The following VIL1 variants were observed in gnomAD, a reference collection of about 807,000 sequenced individuals.
VIL1 encodes villin-1.
A neutral mutation model predicts 104.0 loss-of-function variants in VIL1; 86 were observed. The ratio of observed to expected loss-of-function variants is 0.83; its 90% CI spans 0.69 to 0.99. The LOEUF is 0.99. Ranked by LOEUF, VIL1 falls within the 50% of genes least tolerant of loss-of-function variation. The pLI, the probability that VIL1 is intolerant of heterozygous loss-of-function variation, is 0.00. For synonymous variants in VIL1, 394 were observed against 412.6 expected, an observed-to-expected ratio of 0.95 and a Z score of 0.55; for missense variants, 944 against 1,054.1, an observed-to-expected ratio of 0.90 and a Z score of 1.45.
chr2:218,429,664 C>G lies in VIL1; in HGVS notation c.838C>G (p.Leu280Val). ...VATRPLTQDL[L>V]SHEDCYILDQ... is the part of the protein sequence containing the mutation. The stretch of plus-strand genomic sequence containing the variant: ...CACACGGCCACTGACACAGGACCTG[C>G]TCAGTCACGAGGTAAGAGGGTCTGG... The change falls in exon 8 of 20, where the codon CTC becomes GTC. Residue 280 changes from leucine to valine, a missense_variant. Leu to Val is a conservative substitution (Grantham distance 32). Transcript: ENST00000248444. 1 of 1,614,066 alleles carries G rather than the reference C, an allele frequency of 6.2e-7. No individual in the cohort carries two copies. Among genetic ancestry groups the G allele is most frequent in the Non-Finnish European group, 8.5e-7 (1 of 1,180,018 alleles).
At chr2:218,444,423 G>C (rs1689332656) in intron 19 of VIL1, among the ~76,000 whole-genome samples, 1 of 152,066 alleles carries the variant, frequency 6.6e-6, no homozygotes, top group African/African-American at 2.4e-5. Flanking sequence ...GGGACTACAG[G>C]CGCCCGCCAT....
chr2:218,431,783 C>G, intron 10 of VIL1, 74 bp from the exon 11 acceptor site: 1 of 1,235,722 alleles, frequency 8.1e-7, no homozygotes, highest in East Asian at 2.5e-5. Flanking sequence ...ATTGTAGCCA[C>G]CATTCAGGGC....
intron 10 of VIL1, chr2:218,431,235 C>T: frequency 7.2e-6 from 3 of 417,754 alleles, no homozygotes; most frequent in East Asian, 7.9e-5. Context: ...CCTGTAACCC[C>T]AGCTACTCAG....
chr2:218,420,068 A>C (rs959163203), intron 1 of VIL1, among the ~76,000 whole-genome samples: 5 of 152,120 alleles, frequency 3.3e-5, no homozygotes, highest in African/African-American at 1.2e-4. Context: ...ACGACTGGGA[A>C]CTAGGAGCCG....
rs914925576 is a variant in VIL1, at chr2:218,450,603, A to G, written c.*1267A>G. ...GGGAGGGAAAGAAAAGCTCAAAGGG[A>G]GGGAAACCTGGGGACAAGAGGTGTG... On this transcript the variant is annotated 3_prime_UTR_variant, in exon 20 of 20. Transcript: ENST00000248444. The G allele has an allele frequency of 1.3e-5, 2 of 152,630 alleles. No individual in the cohort carries two copies. The highest frequency in any genetic ancestry group is 4.8e-5 in the African/African-American group (2 of 41,456). 9.5% of individuals were successfully genotyped at this position (152,630 alleles called of 1,614,324 possible).
At chr2:218,444,380 C>T (rs1037450492) in intron 19 of VIL1, among the ~76,000 whole-genome samples, 2 of 151,368 alleles carry the variant, frequency 1.3e-5, no homozygotes, top group Admixed American at 1.3e-4. Flanking sequence ...CCTGGGTTCA[C>T]GCCATTCTCC....
At position 218,450,796 on chromosome 2, in the gene VIL1, C is replaced by T. The variant is rs865899671; in HGVS notation, c.*1460C>T. 6.6e-6 allele frequency: 1 copy of T among 152,216 alleles called. No individual in the cohort carries two copies. The highest frequency in any genetic ancestry group is 2.4e-5 in the African/African-American group (1 of 41,440). The allele number at this position is 152,216 out of a possible 1,614,324, so 9.4% of individuals were successfully genotyped here. On this transcript the variant is annotated 3_prime_UTR_variant, in exon 20 of 20. Coordinates refer to ENST00000248444, the MANE Select transcript of VIL1 (RefSeq NM_007127.3). ...CCAATGGACATACCTATACTTTGAA[C>T]CTCTGTACTTTTAAGAAAAGTCCAA...
chr2:218,447,674 G>A (rs1689388834), intron 19 of VIL1, among the ~76,000 whole-genome samples: 1 of 152,078 alleles, frequency 6.6e-6, no homozygotes, highest in Non-Finnish European at 1.5e-5. Flanking sequence ...GGGCTCATCT[G>A]CTTACTTTGT....
rs529286211 is a variant in VIL1 at position 218,432,670 on chromosome 2, TG to T, written c.1342-119del. 1.4e-3 allele frequency: 1,831 copies of T among 1,288,296 alleles called. 1 individual carries two copies. Among genetic ancestry groups the T allele is most frequent in the Non-Finnish European group, 1.7e-3 (1,559 of 924,906 alleles). 79.8% of individuals were successfully genotyped at this position (1,288,296 alleles called of 1,614,324 possible). A position where few individuals can be genotyped will look rare whatever the true frequency, so the allele number is the denominator to read the frequency against. On this transcript the variant is annotated intron_variant, in intron 12 of 19. Coordinates refer to ENST00000248444, the MANE Select transcript of VIL1 (RefSeq NM_007127.3). ...TTGGCTGTTTCACAGTGGAGTTTGG[TG>T]GGGAAGACAATTGGGTTTAGGACCA...
intron 19 of VIL1, among the ~76,000 whole-genome samples, chr2:218,442,129 C>A (rs1409056239): frequency 6.6e-6 from 1 of 152,138 alleles, no homozygotes; most frequent in Non-Finnish European, 1.5e-5. Flanking sequence ...TAGAACAAGT[C>A]ATGGTGGAGG....
At position 218,429,564 on chromosome 2, in the gene VIL1, C is replaced by T. The variant is rs185335578; in HGVS notation, c.771-33C>T. On this transcript the variant is annotated intron_variant, in intron 7 of 19. Transcript: ENST00000248444. ...TGCCCTGGCTGAGGGACTTGGGCCCCCTCCCCATCTATGCCTTGCTTCTGT... is the reference window on the plus strand; with the variant it reads ...TGCCCTGGCTGAGGGACTTGGGCCCTCTCCCCATCTATGCCTTGCTTCTGT... 2,515 of 1,614,042 alleles carry T rather than the reference C, an allele frequency of 1.6e-3. 6 individuals carry two copies. Among genetic ancestry groups the T allele is most frequent in the Non-Finnish European group, 1.9e-3 (2,217 of 1,179,998 alleles).
At position 218,430,731 on chromosome 2, in the gene VIL1, A is replaced by C. The variant is rs760179698; in HGVS notation, c.955A>C (p.Ile319Leu). 1.3e-6 allele frequency: 2 copies of C among 1,586,030 alleles called. No homozygotes were observed. The highest frequency in any genetic ancestry group is 3.5e-5 in the Admixed American group (2 of 56,482). Residue 319 changes from isoleucine (I) to leucine (L), a missense_variant, in exon 10 of 20, where the codon ATC (isoleucine) becomes CTC (leucine). By Grantham distance (5) the Ile-to-Leu change is conservative. Coordinates refer to ENST00000248444, the MANE Select transcript of VIL1 (RefSeq NM_007127.3). ...KGAMSHALNFIKAKQYPPSTQ... is the reference protein window; with the variant it reads ...KGAMSHALNFLKAKQYPPSTQ... ...CCACCCCTTTCTCTTCCAGAACTTC[A>C]TCAAAGCCAAGCAGTACCCACCAAG...
chr2:218,425,779 G>C lies in VIL1; in HGVS notation c.315G>C (p.Glu105Asp), dbSNP rs771330830. Residue 105 changes from glutamate to aspartate, a missense_variant, in exon 4 of 20, where the codon GAG (glutamate) becomes GAC (aspartate). Transcript: ENST00000248444. The part of the protein sequence containing the change: ...QHREVQGNES[E>D]AFRGYFKQGL... Reference sequence around the variant, plus strand: ...GCGAGGTCCAGGGCAACGAGAGCGAGGCCTTCCGAGGCTACTTCAAGCAAG... The same window carrying C: ...GCGAGGTCCAGGGCAACGAGAGCGACGCCTTCCGAGGCTACTTCAAGCAAG... 50 of 1,612,514 alleles carry C rather than the reference G, an allele frequency of 3.1e-5. No individual in the cohort carries two copies. Among genetic ancestry groups the C allele is most frequent in the Non-Finnish European group, 4.2e-5 (50 of 1,179,206 alleles).
At chr2:218,424,177 G>A (rs184994352) in intron 2 of VIL1, 100 bp from the exon 3 acceptor site, 30 of 1,032,838 alleles carry the variant, frequency 2.9e-5, no homozygotes, top group South Asian at 5.5e-5. Flanking sequence ...TCCTGGGCCC[G>A]GCTCTTTGTC....
rs1689109219 is a variant in VIL1, at chr2:218,432,090, G to A, written c.1248G>A (p.Lys416=). 1 of 1,614,028 alleles carries A rather than the reference G, an allele frequency of 6.2e-7. No homozygotes were observed. Among genetic ancestry groups the A allele is most frequent in the Non-Finnish European group, 8.5e-7 (1 of 1,180,028 alleles). Residue 416 remains lysine (K), a synonymous_variant, in exon 12 of 20, where the codon AAG becomes AAA. Coordinates refer to ENST00000248444, the MANE Select transcript of VIL1 (RefSeq NM_007127.3). ...ENLELVPVDS[K]WLGHFYGGDC... ...TAGAGCTGGTACCTGTGGATTCCAA[G>A]TGGCTAGGCCACTTCTATGGGGGCG... is the stretch of plus-strand genomic sequence containing the variant.
intron 1 of VIL1, among the ~76,000 whole-genome samples, chr2:218,420,428 C>CAAAAAAAAAAAAAAAAAAAAAAAAA (rs71064447): frequency 5.0e-5 from 4 of 80,196 alleles, no homozygotes; most frequent in South Asian, 5.2e-4. Context: ...GACTCTGTCT[C>CAAAAAAAAAAAAAAAAAAAAAAAAA]AAAAAAAAAA....
intron 15 of VIL1, among the ~76,000 whole-genome samples, chr2:218,435,696 C>T (rs1169400959): frequency 1.3e-5 from 2 of 152,168 alleles, no homozygotes; most frequent in Admixed American, 1.3e-4. Flanking sequence ...AATTCCTGGC[C>T]ATAGGAGGCA....
chr2:218,452,751 A>G lies in VIL1; in HGVS notation c.*3415A>G, dbSNP rs570803726. On this transcript the variant is annotated 3_prime_UTR_variant, in exon 20 of 20. Coordinates refer to ENST00000248444, the MANE Select transcript of VIL1 (RefSeq NM_007127.3). ...AATCTAGACTTATGGCATTATTTCT[A>G]CTTTTCTCCATGTTTTAATTGCAGC... is the stretch of plus-strand genomic sequence containing the variant. 12 of 152,344 alleles carry G rather than the reference A, an allele frequency of 7.9e-5. No homozygotes were observed. The East Asian group carries it at 2.3e-3, about 29-fold the overall frequency. 9.4% of individuals were successfully genotyped at this position (152,344 alleles called of 1,614,324 possible). A position where few individuals can be genotyped will look rare whatever the true frequency, so the allele number is the denominator to read the frequency against.
intron 18 of VIL1, among the ~76,000 whole-genome samples, 200 bp downstream of exon 18, chr2:218,438,926 A>ATTTTTTT (rs34676834): frequency 9.3e-6 from 1 of 107,660 alleles, no homozygotes; most frequent in Non-Finnish European, 1.8e-5. Flanking sequence ...ATGGTTCTCA[A>ATTTTTTT]TTTTTTTTTT....
Sources: allele counts gnomAD v4.1 joint callset (sites outside exome capture counted in the v4.1 genomes callset), GRCh38; gene constraint gnomAD v4.1.1; transcripts MANE v1.5; gene names NCBI Gene and HGNC (gene_info 2026-07-23, HGNC 2026-07-21).